CACNA1D: variants seen among roughly 807,000 people sequenced by gnomAD.
CACNA1D encodes calcium voltage-gated channel subunit alpha1 D.
CACNA1D carries 55 observed loss-of-function variants against 257.1 expected under a neutral mutation model. That is an observed-to-expected ratio of 0.21 (90% CI 0.17 to 0.27). The LOEUF (loss-of-function observed/expected upper bound fraction) is 0.27, where lower values mean the gene tolerates loss of function less well. Among genes scored for constraint, CACNA1D ranks in the 10% least tolerant of loss-of-function variants. The pLI, the probability that CACNA1D is intolerant of heterozygous loss-of-function variation, is 1.00. For missense variants in CACNA1D, 1,876 were observed against 2,784.0 expected (o/e 0.67, Z 7.34); for synonymous variants, 980 against 1,014.9 (o/e 0.97, Z 0.65).
intron 19 of CACNA1D, among the ~76,000 whole-genome samples, chr3:53,733,950 G>GTGTA (rs71617718): frequency 3.5e-5 from 5 of 144,106 alleles, no homozygotes; most frequent in East Asian, 2.0e-4. Flanking sequence ...GTGTGTGTGT[G>GTGTA]TGTATGTATG....
chr3:53,668,601 G>A (rs551547545), intron 7 of CACNA1D, among the ~76,000 whole-genome samples: 38 of 152,200 alleles, frequency 2.5e-4, no homozygotes, highest in Admixed American at 2.0e-3. Flanking sequence ...AGACAGTGGC[G>A]TAGAGACCAT....
At chr3:53,587,615 C>T (rs1465585329) in intron 3 of CACNA1D, among the ~76,000 whole-genome samples, 5 of 152,116 alleles carry the variant, frequency 3.3e-5, no homozygotes, top group African/African-American at 1.2e-4. Context: ...GATTCATTGC[C>T]ACAAAGTGAA....
At chr3:53,538,292 C>T (rs1311923151) in intron 3 of CACNA1D, among the ~76,000 whole-genome samples, 6 of 151,628 alleles carry the variant, frequency 4.0e-5, no homozygotes, top group South Asian at 2.1e-4. Flanking sequence ...GGACTACAGG[C>T]GCACGCCACC....
chr3:53,804,833 C>A (rs2095554039), intron 44 of CACNA1D, 150 bp from the exon 45 acceptor site: 1 of 771,908 alleles, frequency 1.3e-6, no homozygotes, highest in Non-Finnish European at 2.2e-6. Context: ...CATCTGGAAT[C>A]TTCCATGAAA....
chr3:53,690,568 C>T lies in CACNA1D; in HGVS notation c.1221-12073C>T, dbSNP rs75158114. On this transcript the variant is annotated intron_variant, in intron 8 of 47. Transcript: ENST00000350061. ...CTCTGGGAAGGTACTTCCCACCCAC[C>T]GTGCCTTTCAGTGGGCACTCCCCCT... Among the ~76,000 whole-genome samples, 683 of 152,316 alleles carry T rather than the reference C, an allele frequency of 4.5e-3. 24 individuals are homozygous for T. In the East Asian group the frequency reaches 0.084, roughly 19 times the overall value.
chr3:53,691,903 ATAT>A (rs1199672599), intron 8 of CACNA1D, among the ~76,000 whole-genome samples: 26 of 32,506 alleles, frequency 8.0e-4, no homozygotes, highest in Non-Finnish European at 1.5e-3. Context: ...TATATTACAT[ATAT>A]TATATATAAT....
At chr3:53,703,820 C>T (rs1576404111) in intron 9 of CACNA1D, among the ~76,000 whole-genome samples, 1 of 152,124 alleles carries the variant, frequency 6.6e-6, no homozygotes, top group African/African-American at 2.4e-5. Flanking sequence ...TGGAGTGCTG[C>T]CTCCTAGGGA....
At chr3:53,717,025 C>T (rs766580390) in intron 9 of CACNA1D, among the ~76,000 whole-genome samples, 2 of 152,206 alleles carry the variant, frequency 1.3e-5, no homozygotes, top group African/African-American at 2.4e-5. Context: ...TTCGCCATAG[C>T]GCTTCCAGCC....
At chr3:53,609,818 T>G (rs919185017) in intron 3 of CACNA1D, among the ~76,000 whole-genome samples, 7 of 152,202 alleles carry the variant, frequency 4.6e-5, no homozygotes, top group African/African-American at 1.7e-4. Flanking sequence ...TGGATTTAAT[T>G]TGGTAATCTT....
chr3:53,601,672 GATA>G (rs1296898272), intron 3 of CACNA1D, among the ~76,000 whole-genome samples: 2 of 152,102 alleles, frequency 1.3e-5, no homozygotes, highest in African/African-American at 4.8e-5. Context: ...CAACAATAAT[GATA>G]ATAATCATGG....
intron 3 of CACNA1D, among the ~76,000 whole-genome samples, chr3:53,598,733 C>T (rs184300020): frequency 6.6e-6 from 1 of 152,278 alleles, no homozygotes; most frequent in East Asian, 1.9e-4. Context: ...ATAGTCAACC[C>T]CTGGGGCTAG....
intron 3 of CACNA1D, among the ~76,000 whole-genome samples, chr3:53,581,209 C>T (rs547904344): frequency 1.3e-5 from 2 of 152,234 alleles, no homozygotes; most frequent in Admixed American, 6.5e-5. Flanking sequence ...TGCTCGGATC[C>T]CCATGTTTGA....
chr3:53,553,818 T>C (rs2092584482), intron 3 of CACNA1D, among the ~76,000 whole-genome samples: 1 of 151,280 alleles, frequency 6.6e-6, no homozygotes, highest in Non-Finnish European at 1.5e-5. Context: ...TTAGGACTGG[T>C]GAGTTCAAAG....
intron 3 of CACNA1D, among the ~76,000 whole-genome samples, chr3:53,610,693 G>A (rs959297682): frequency 6.6e-6 from 1 of 152,080 alleles, no homozygotes; most frequent in Non-Finnish European, 1.5e-5. Flanking sequence ...CCATCTATTT[G>A]TTGTTCCTTT....
chr3:53,806,100 T>C (rs993901352), intron 45 of CACNA1D, among the ~76,000 whole-genome samples: 20 of 138,634 alleles, frequency 1.4e-4, no homozygotes, highest in Non-Finnish European at 2.5e-4. Flanking sequence ...TCCTCCTCCT[T>C]CGTCTTCTAG....
chr3:53,515,656 C>T (rs1354721787), intron 3 of CACNA1D, among the ~76,000 whole-genome samples: 6 of 152,216 alleles, frequency 3.9e-5, no homozygotes, highest in African/African-American at 1.2e-4. Context: ...GGGTAAGAGA[C>T]CAAGGCTCAC....
chr3:53,757,501 T>A (rs1369776853), intron 29 of CACNA1D, among the ~76,000 whole-genome samples: 1 of 152,164 alleles, frequency 6.6e-6, no homozygotes, highest in African/African-American at 2.4e-5. Context: ...TTCAAAATGA[T>A]CTCCCTGCCT....
intron 9 of CACNA1D, among the ~76,000 whole-genome samples, chr3:53,706,398 G>A (rs1363620026): frequency 6.6e-6 from 1 of 152,248 alleles, no homozygotes; most frequent in Non-Finnish European, 1.5e-5. Flanking sequence ...TCCGGATGTG[G>A]CTGCAATGGA....
At chr3:53,786,395 G>A (rs571063439) in intron 39 of CACNA1D, 9 of 191,834 alleles carry the variant, frequency 4.7e-5, no homozygotes, top group Non-Finnish European at 8.7e-5. Context: ...TCGGGATTTG[G>A]ACGGTTAATT....
Sources: gnomAD v4.1 joint callset for allele counts (sites outside exome capture counted in the v4.1 genomes callset) on GRCh38, gnomAD v4.1.1 for gene constraint, MANE v1.5 for transcripts, NCBI Gene and HGNC (gene_info 2026-07-23, HGNC 2026-07-21) for gene names.